Variants in B3GALT1 observed in about 807,000 individuals in gnomAD.
The protein encoded by B3GALT1 is UDP-Gal:betaGlcNAc beta 1,3-galactosyltransferase, polypeptide 1.
In B3GALT1, 10 loss-of-function variants were observed where a neutral mutation model predicts 23.2. The ratio of observed to expected loss-of-function variants is 0.43; its 90% confidence interval spans 0.27 to 0.73. B3GALT1 has a LOEUF of 0.73. B3GALT1 is among the 30% of genes least tolerant of loss of function. The pLI, the probability that B3GALT1 is intolerant of heterozygous loss-of-function variation, is 0.21. For missense variants in B3GALT1, 299 were observed against 405.4 expected (o/e 0.74, Z 2.25); for synonymous variants, 156 against 141.5 (o/e 1.10, Z -0.73).
intron 3 of B3GALT1, among the ~76,000 whole-genome samples, chr2:167,734,244 G>A (rs1687457260): frequency 6.6e-6 from 1 of 152,150 alleles, no homozygotes; most frequent in Non-Finnish European, 1.5e-5. Flanking sequence ...GTGAATCAGT[G>A]AGGAAGTAAA....
intron 3 of B3GALT1, among the ~76,000 whole-genome samples, chr2:167,726,139 C>T (rs558608978): frequency 3.6e-4 from 55 of 152,258 alleles, no homozygotes; most frequent in Non-Finnish European, 1.6e-4. Flanking sequence ...ATCCATGGAA[C>T]TTATCTAAGG....
intron 3 of B3GALT1, among the ~76,000 whole-genome samples, chr2:167,718,550 A>G (rs1022869354): frequency 6.6e-6 from 1 of 152,206 alleles, no homozygotes; most frequent in Non-Finnish European, 1.5e-5. Context: ...TATAAAAAAG[A>G]TAGTTTAACA....
At chr2:167,613,436 ATTATAT>A (rs1398585091) in intron 2 of B3GALT1, among the ~76,000 whole-genome samples, 2 of 151,468 alleles carry the variant, frequency 1.3e-5, no homozygotes, top group Admixed American at 1.3e-4. Flanking sequence ...AAAAAATATA[ATTATAT>A]TCTTAAAATA....
At chr2:167,804,067 C>T (rs897448158) in intron 3 of B3GALT1, among the ~76,000 whole-genome samples, 1 of 152,136 alleles carries the variant, frequency 6.6e-6, no homozygotes, top group African/African-American at 2.4e-5. Flanking sequence ...GTGATCTCGG[C>T]ACACTGCAAC....
At chr2:167,389,415 G>GCATTCAAT (rs1159868068) in intron 1 of B3GALT1, among the ~76,000 whole-genome samples, 1 of 152,086 alleles carries the variant, frequency 6.6e-6, no homozygotes, top group Non-Finnish European at 1.5e-5. Flanking sequence ...TTTCAATGTG[G>GCATTCAAT]GTATGAGTAA....
rs117109503 is a variant in B3GALT1 at position 167,477,037 on chromosome 2, T to C, written c.-510-13140T>C. ...ATGTTTTCATCAATTATTCAAGCTT[T>C]AGGAGTCATCAAAGAATCCTAATGC... On this transcript the variant is annotated intron_variant, in intron 1 of 4. Coordinates refer to ENST00000392690, the MANE Select transcript of B3GALT1 (RefSeq NM_020981.4). Among the ~76,000 whole-genome samples the C allele has an allele frequency of 3.2e-3, 494 of 152,294 alleles. 16 individuals carry two copies. The East Asian group carries it at 0.077, about 24-fold the overall frequency.
At chr2:167,303,582 C>T (rs1281098646) in intron 1 of B3GALT1, among the ~76,000 whole-genome samples, 1 of 151,564 alleles carries the variant, frequency 6.6e-6, no homozygotes, top group Non-Finnish European at 1.5e-5. Context: ...AGAGGAAGGG[C>T]AAATAGCTCT....
chr2:167,404,821 A>G (rs757912881), intron 1 of B3GALT1, among the ~76,000 whole-genome samples: 8 of 152,152 alleles, frequency 5.3e-5, no homozygotes, highest in Non-Finnish European at 1.2e-4. Context: ...CTGTGCGTGT[A>G]TTCCTCAGAG....
rs1463138124 is a variant in B3GALT1 at position 167,616,629 on chromosome 2, A to C, written c.-409-30280A>C. The stretch of plus-strand genomic sequence containing the variant: ...AGAATCGCTTGAACCTGGGAGGCAG[A>C]GGTTACAGTGAGCCGAGATCACGCC... On this transcript the variant is annotated intron_variant, in intron 2 of 4. Coordinates refer to ENST00000392690, the MANE Select transcript of B3GALT1 (RefSeq NM_020981.4). Among the ~76,000 whole-genome samples the C allele has an allele frequency of 2.0e-5, 3 of 152,064 alleles. 1 individual carries two copies. Among genetic ancestry groups the C allele is most frequent in the African/African-American group, 7.2e-5 (3 of 41,418 alleles).
chr2:167,412,734 A>G (rs1035086799), intron 1 of B3GALT1, among the ~76,000 whole-genome samples: 3 of 152,126 alleles, frequency 2.0e-5, no homozygotes, highest in South Asian at 4.1e-4. Flanking sequence ...TTACACACCT[A>G]TTATAGAGAC....
chr2:167,509,356 AAATAAT>A lies in B3GALT1; in HGVS notation c.-410+19085_-410+19090del, dbSNP rs1234846322. On this transcript the variant is annotated intron_variant, in intron 2 of 4. Transcript: ENST00000392690. ...CACCTTTGTAGAATCTGGAAACAAC[AAATAAT>A]AATAAACAACAAATAAAAATTTTCT... is the stretch of plus-strand genomic sequence containing the variant. 3.4e-4 allele frequency among the ~76,000 whole-genome samples: 52 copies of A among 152,216 alleles called. 1 individual carries two copies. The highest frequency in any genetic ancestry group is 2.9e-5 in the Non-Finnish European group (2 of 68,036).
chr2:167,638,280 G>A (rs76298823), intron 2 of B3GALT1, among the ~76,000 whole-genome samples: 5,756 of 152,016 alleles, frequency 0.038, 378 homozygotes, highest in African/African-American at 0.13. Flanking sequence ...CATTTTCACC[G>A]TGAAGCAGCA....
chr2:167,300,377 A>G (rs1297440276), intron 1 of B3GALT1, among the ~76,000 whole-genome samples: 1 of 152,230 alleles, frequency 6.6e-6, no homozygotes, highest in East Asian at 1.9e-4. Flanking sequence ...CTAAATGTAT[A>G]TATATATTCA....
chr2:167,682,473 A>G (rs900289075), intron 3 of B3GALT1, among the ~76,000 whole-genome samples: 5 of 152,196 alleles, frequency 3.3e-5, no homozygotes, highest in African/African-American at 1.2e-4. Context: ...CATTCCTTCT[A>G]AAAGGTTTAA....
chr2:167,699,333 A>G (rs1403873556), intron 3 of B3GALT1, among the ~76,000 whole-genome samples: 1 of 151,060 alleles, frequency 6.6e-6, no homozygotes, highest in Non-Finnish European at 1.5e-5. Flanking sequence ...AAGTTGTTGC[A>G]GGAAGGGTAC....
intron 1 of B3GALT1, among the ~76,000 whole-genome samples, chr2:167,442,326 C>T (rs1433574259): frequency 1.3e-5 from 2 of 152,114 alleles, no homozygotes; most frequent in Non-Finnish European, 2.9e-5. Context: ...GTGAATAATG[C>T]CGCAATAAAC....
At chr2:167,671,679 A>G (rs1686327666) in intron 3 of B3GALT1, among the ~76,000 whole-genome samples, 1 of 152,120 alleles carries the variant, frequency 6.6e-6, no homozygotes, top group Non-Finnish European at 1.5e-5. Flanking sequence ...AAACACCTAC[A>G]TAAAGAAAAA....
At chr2:167,368,843 G>A (rs1697632300) in intron 1 of B3GALT1, among the ~76,000 whole-genome samples, 1 of 151,994 alleles carries the variant, frequency 6.6e-6, no homozygotes, top group African/African-American at 2.4e-5. Flanking sequence ...CTCAGTCCCA[G>A]TGCAAAATGC....
At chr2:167,302,683 G>A (rs770111884) in intron 1 of B3GALT1, among the ~76,000 whole-genome samples, 9 of 152,026 alleles carry the variant, frequency 5.9e-5, no homozygotes, top group Non-Finnish European at 7.4e-5. Flanking sequence ...TTGTATATAC[G>A]TGTATCTTAT....
Sources: allele counts gnomAD v4.1 joint callset (sites outside exome capture counted in the v4.1 genomes callset), GRCh38; gene constraint gnomAD v4.1.1; transcripts MANE v1.5; gene names NCBI Gene and HGNC (gene_info 2026-07-23, HGNC 2026-07-21).